Variants in UNC80 observed in about 807,000 individuals in gnomAD.
UNC80 encodes the protein unc-80 subunit of NALCN channel complex.
UNC80 carries 164 observed loss-of-function variants against 384.6 expected under a neutral mutation model. The ratio of observed to expected loss-of-function variants is 0.43; its 90% CI spans 0.38 to 0.49. The LOEUF (loss-of-function observed/expected upper bound fraction) is 0.49, where lower values mean the gene tolerates loss of function less well. UNC80 is among the 20% of genes least tolerant of loss of function. The probability of loss-of-function intolerance (pLI) is 0.00; values close to 1 mark genes in which losing one functional copy is unlikely to be tolerated. For synonymous variants in UNC80, 1,486 were observed against 1,527.8 expected, an observed-to-expected ratio of 0.97 and a Z score of 0.64; for missense variants, 3,330 against 4,143.0, an observed-to-expected ratio of 0.80 and a Z score of 5.39.
intron 5 of UNC80, among the ~76,000 whole-genome samples, chr2:209,788,154 C>T (rs764480385): frequency 1.3e-5 from 2 of 152,146 alleles, no homozygotes; most frequent in South Asian, 4.1e-4. Flanking sequence ...CGGTGGCTCA[C>T]GCCTGTAATC....
intron 45 of UNC80, 92 bp downstream of exon 45, chr2:209,943,606 G>A (rs1227473479): frequency 6.9e-7 from 1 of 1,439,848 alleles, no homozygotes; most frequent in Non-Finnish European, 9.4e-7. Context: ...AAGGGAGTTG[G>A]CTACCATCAC....
At chr2:209,798,519 T>C (rs2078313610) in intron 7 of UNC80, among the ~76,000 whole-genome samples, 1 of 152,208 alleles carries the variant, frequency 6.6e-6, no homozygotes, top group African/African-American at 2.4e-5. Flanking sequence ...CACTGCTCTA[T>C]ATGTCTGTTT....
At chr2:209,825,797 C>A in intron 13 of UNC80, 110 bp from the exon 14 acceptor site, 1 of 1,008,854 alleles carries the variant, frequency 9.9e-7, no homozygotes, top group Non-Finnish European at 1.3e-6. Context: ...ATTGCAGGTG[C>A]TCCCTGTAAA....
At chr2:209,854,607 G>GA (rs533386313) in intron 22 of UNC80, among the ~76,000 whole-genome samples, 291 of 150,746 alleles carry the variant, frequency 1.9e-3, no homozygotes, top group Non-Finnish European at 3.2e-3. Flanking sequence ...AAATTTACAA[G>GA]AAAAAAAACA....
intron 21 of UNC80, among the ~76,000 whole-genome samples, chr2:209,845,856 A>C (rs947172743): frequency 1.3e-5 from 2 of 152,134 alleles, no homozygotes; most frequent in African/African-American, 2.4e-5. Flanking sequence ...TGCAACAACT[A>C]CTGCCCTTTA....
chr2:209,912,614 G>A lies in UNC80; in HGVS notation c.4837G>A (p.Ala1613Thr). 1 of 1,551,530 alleles carries A rather than the reference G, an allele frequency of 6.4e-7. No homozygotes were observed. The highest frequency in any genetic ancestry group is 8.7e-7 in the Non-Finnish European group (1 of 1,146,892). Residue 1613 changes from alanine (A) to threonine (T), a missense_variant, in exon 30 of 65, where the codon GCC becomes ACC. Coordinates refer to ENST00000673920, the MANE Select transcript of UNC80 (RefSeq NM_001371986.1). ...TTCTCTAAAGAAGAGAGTTTCAGAT[G>A]CCAATCTGGAAGGAAAAAAAGATTC... The part of the protein sequence containing the change: ...TPSLKKRVSD[A>T]NLEGKKDSGM...
chr2:209,820,391 A>G lies in UNC80; in HGVS notation c.2043A>G (p.Glu681=), dbSNP rs928313100. 1.9e-6 allele frequency: 3 copies of G among 1,551,992 alleles called. No individual in the cohort carries two copies. The highest frequency in any genetic ancestry group is 1.7e-4 in the Middle Eastern group (1 of 5,994). Residue 681 remains glutamate (E), a synonymous_variant, in exon 13 of 65, where the codon GAA becomes GAG. Coordinates refer to ENST00000673920, the MANE Select transcript of UNC80 (RefSeq NM_001371986.1). ...GTGACGTGGCGCTAAACATTGTGGA[A>G]TGCTTGCTTCAACTTGGTGTGGTGC... ...RICDVALNIV[E]CLLQLGVVPC...
In UNC80 at chr2:209,976,667, A is replaced by G. The variant is rs769776933; in HGVS notation, c.8773-246A>G. Among the ~76,000 whole-genome samples the G allele has an allele frequency of 2.6e-5, 4 of 152,158 alleles. No homozygotes were observed. Among genetic ancestry groups the G allele is most frequent in the Admixed American group, 2.0e-4 (3 of 15,266 alleles). ...AATAAACATAAGAAAAACATAGGAT[A>G]CTTAACGTATGTTTTTCCTCCAAGA... On this transcript the variant is annotated intron_variant, in intron 57 of 64. Transcript: ENST00000673920. This position sits in a 1 kb window ranked among gnomAD's most constrained non-coding sequence, Gnocchi z 4.3.
intron 7 of UNC80, among the ~76,000 whole-genome samples, chr2:209,797,996 T>C (rs2078277032): frequency 6.6e-6 from 1 of 152,270 alleles, no homozygotes. Flanking sequence ...TGCCCACTTT[T>C]TGATGGACTT....
rs1271857843 is a variant in UNC80 at position 209,872,819 on chromosome 2, G to C, written c.3689G>C (p.Cys1230Ser). 2 of 1,551,334 alleles carry C rather than the reference G, an allele frequency of 1.3e-6. No homozygotes were observed. Among genetic ancestry groups the C allele is most frequent in the Non-Finnish European group, 8.7e-7 (1 of 1,146,836 alleles). ...FLECARFVHR[C>S]NRGNWPEWMK... is the part of the protein sequence containing the mutation. ...GAATGTGCTCGTTTTGTTCACCGCT[G>C]CAACCGTGGCAACTGGCCAGAGTGG... Residue 1230 changes from cysteine (C) to serine (S), a missense_variant, in exon 23 of 65, where the codon TGC becomes TCC. Physicochemically the swap from Cys to Ser is moderately radical, Grantham distance 112. Around this residue, in one of 8 missense-constraint regions of UNC80, gnomAD observed 801 missense variants for 950.8 expected, o/e 0.84. Transcript: ENST00000673920. This position sits in a 1 kb window ranked among gnomAD's most constrained non-coding sequence, Gnocchi z 4.1.
rs913464532 is a variant in UNC80 at position 209,976,135 on chromosome 2, C to T, written c.8604C>T (p.Leu2868=). The change falls in exon 57 of 65, where the codon CTC becomes CTT. Residue 2868 remains leucine (L), a synonymous_variant. Coordinates refer to ENST00000673920, the MANE Select transcript of UNC80 (RefSeq NM_001371986.1). The surrounding 1 kb of genome is among the most constrained non-coding windows in gnomAD (Gnocchi z 4.3). ...GGTGTGAAGCGCTGAAGGTGATTCT[C>T]GTCTGCTTTGAGAGGCAGCTCGGAA... ...QAAYLALKVI[L]VCFERQLGSQ... is the part of the protein sequence containing the mutation. 3.0e-5 allele frequency: 46 copies of T among 1,551,222 alleles called. No individual in the cohort carries two copies. Among genetic ancestry groups the T allele is most frequent in the Middle Eastern group, 3.3e-4 (2 of 6,004 alleles).
intron 61 of UNC80, among the ~76,000 whole-genome samples, chr2:209,988,569 T>C (rs1427974296): frequency 6.6e-6 from 1 of 152,190 alleles, no homozygotes; most frequent in Non-Finnish European, 1.5e-5. Flanking sequence ...ATATCCTTTA[T>C]GCACTATATG....
chr2:209,912,563 T>G lies in UNC80; in HGVS notation c.4786T>G (p.Ser1596Ala). Residue 1596 changes from serine (S) to alanine (A), a missense_variant, in exon 30 of 65, where the codon TCA (serine) becomes GCA (alanine). Physicochemically the swap from Ser to Ala is moderately conservative, Grantham distance 99. Coordinates refer to ENST00000673920, the MANE Select transcript of UNC80 (RefSeq NM_001371986.1). ...TACATATCCCTGGTCTTTTCAGTGCTCAGATAAGTCATGCCTGAGGACACC... is the reference window on the plus strand; with the variant it reads ...TACATATCCCTGGTCTTTTCAGTGCGCAGATAAGTCATGCCTGAGGACACC... The part of the protein sequence containing the change: ...ALRGKKQKEC[S>A]DKSCLRTPSL... 1 of 1,549,074 alleles carries G rather than the reference T, an allele frequency of 6.5e-7. No individual in the cohort carries two copies. The highest frequency in any genetic ancestry group is 8.7e-7 in the Non-Finnish European group (1 of 1,145,218).
chr2:209,884,368 C>T (rs1200841260), intron 25 of UNC80, among the ~76,000 whole-genome samples: 4 of 152,124 alleles, frequency 2.6e-5, no homozygotes, highest in African/African-American at 7.2e-5. Flanking sequence ...TGTCTACATT[C>T]GTTTGTTACA....
intron 55 of UNC80, 64 bp from the exon 56 acceptor site, chr2:209,973,000 C>A: frequency 6.9e-7 from 1 of 1,459,150 alleles, no homozygotes; most frequent in Middle Eastern, 1.9e-4. Context: ...TCTGTATCTA[C>A]TGTGGACAGT....
chr2:209,856,356 T>C (rs888876010), intron 22 of UNC80, among the ~76,000 whole-genome samples: 4 of 152,146 alleles, frequency 2.6e-5, no homozygotes, highest in African/African-American at 9.7e-5. Context: ...ATTAATCTTT[T>C]TTCTGTTCAT....
chr2:209,778,581 A>G (rs1210112836), intron 4 of UNC80, among the ~76,000 whole-genome samples: 1 of 152,222 alleles, frequency 6.6e-6, no homozygotes, highest in African/African-American at 2.4e-5. Context: ...ATATAATTTG[A>G]AATCACTGTG....
chr2:209,934,124 T>G (rs1031309697), intron 39 of UNC80, 119 bp downstream of exon 39: 13 of 978,242 alleles, frequency 1.3e-5, no homozygotes, highest in Admixed American at 6.1e-5. Context: ...CCCCCAGTAT[T>G]GAGTGCTTCA....
intron 41 of UNC80, 80 bp downstream of exon 41, chr2:209,937,013 G>A (rs1459981506): frequency 1.0e-6 from 1 of 959,086 alleles, no homozygotes; most frequent in African/African-American, 1.6e-5. Flanking sequence ...CACAGTCAGG[G>A]AGGCATCGCT....
Sources: gnomAD v4.1 joint callset for allele counts (sites outside exome capture counted in the v4.1 genomes callset) on GRCh38, gnomAD v4.1.1 for gene constraint, gnomAD v4.1.1 regional missense constraint, Gnocchi (gnomAD v3.1) non-coding constraint, MANE v1.5 for transcripts, NCBI Gene and HGNC (gene_info 2026-07-23, HGNC 2026-07-21) for gene names.